Variants in SYNE1 observed in about 807,000 individuals in gnomAD.
SYNE1 encodes the protein spectrin repeat containing nuclear envelope protein 1, also known as nesprin-1.
A neutral mutation model predicts 1,111.0 loss-of-function variants in SYNE1; 616 were observed. The observed-to-expected ratio is 0.55, with a 90% CI of 0.52 to 0.59. The LOEUF is 0.59. SYNE1 is among the 20% of genes least tolerant of loss of function. SYNE1 has a pLI of 0.00. For missense variants in SYNE1, 10,006 were observed against 10,417.0 expected (o/e 0.96, Z 1.72); for synonymous variants, 3,855 against 3,825.8 (o/e 1.01, Z -0.28).
chr6:152,325,557 A>AT (rs765473288), intron 80 of SYNE1, among the ~76,000 whole-genome samples: 35 of 152,152 alleles, frequency 2.3e-4, no homozygotes, highest in Non-Finnish European at 3.7e-4. Flanking sequence ...TTGAGATGAC[A>AT]TTTTTTTCAT....
chr6:152,325,717 TTATTAAGTGCCACATCTTA>T (rs2096049372), intron 80 of SYNE1, among the ~76,000 whole-genome samples: 1 of 152,222 alleles, frequency 6.6e-6, no homozygotes. Flanking sequence ...TCACTGACAT[TTATTAAGTGCCACATCTTA>T]TCGGAAGCAA....
intron 4 of SYNE1, among the ~76,000 whole-genome samples, chr6:152,527,562 T>C (rs1199368077): frequency 6.6e-6 from 1 of 152,198 alleles, no homozygotes; most frequent in African/African-American, 2.4e-5. Context: ...TCAAAATTAT[T>C]GTTATTAGCC....
At chr6:152,276,715 G>T (rs747043415) in intron 98 of SYNE1, among the ~76,000 whole-genome samples, 3 of 152,052 alleles carry the variant, frequency 2.0e-5, no homozygotes, top group Non-Finnish European at 4.4e-5. Context: ...TATTGCAGGA[G>T]AAAGGTGTAA....
chr6:152,340,078 T>C (rs2096498075), intron 74 of SYNE1, among the ~76,000 whole-genome samples: 2 of 152,156 alleles, frequency 1.3e-5, no homozygotes, highest in African/African-American at 4.8e-5. Context: ...TAGTTTTAAA[T>C]ATCATGTGGG....
intron 89 of SYNE1, among the ~76,000 whole-genome samples, 162 bp from the exon 90 acceptor site, chr6:152,310,179 C>T (rs539341236): frequency 2.0e-5 from 3 of 152,064 alleles, no homozygotes; most frequent in Admixed American, 6.5e-5. Flanking sequence ...CAGTGGTTCA[C>T]GTCTGTAACC....
At chr6:152,124,138 C>G (rs2052484398) in intron 145 of SYNE1, among the ~76,000 whole-genome samples, 1 of 152,110 alleles carries the variant, frequency 6.6e-6, no homozygotes, top group Admixed American at 6.6e-5. Context: ...GCCTGGCCAA[C>G]ATGGTAAAAA....
intron 108 of SYNE1, among the ~76,000 whole-genome samples, chr6:152,237,526 C>G (rs549066381): frequency 6.6e-6 from 1 of 151,042 alleles, no homozygotes; most frequent in Non-Finnish European, 1.5e-5. Context: ...TGTTGTCCAG[C>G]CTGGTCTCAA....
intron 3 of SYNE1, among the ~76,000 whole-genome samples, chr6:152,606,854 C>T (rs750524684): frequency 6.6e-6 from 1 of 151,096 alleles, no homozygotes; most frequent in Non-Finnish European, 1.5e-5. Context: ...TGGGGTTTCA[C>T]CATGTTAGCC....
intron 16 of SYNE1, among the ~76,000 whole-genome samples, chr6:152,467,832 T>C (rs957012929): frequency 6.6e-6 from 1 of 152,154 alleles, no homozygotes; most frequent in Non-Finnish European, 1.5e-5. Flanking sequence ...GTCCATTTAA[T>C]TTGGTCCTTT....
intron 3 of SYNE1, among the ~76,000 whole-genome samples, chr6:152,584,188 A>T (rs915431748): frequency 6.6e-6 from 1 of 152,152 alleles, no homozygotes; most frequent in Non-Finnish European, 1.5e-5. Flanking sequence ...GTGAGATTTA[A>T]ATAAGATGAC....
At chr6:152,607,649 G>C (rs1303046829) in intron 3 of SYNE1, among the ~76,000 whole-genome samples, 2 of 152,142 alleles carry the variant, frequency 1.3e-5, no homozygotes, top group Non-Finnish European at 2.9e-5. Flanking sequence ...CAAGGAATCA[G>C]AAATACCATT....
At chr6:152,352,924 T>C (rs1242696421) in intron 69 of SYNE1, among the ~76,000 whole-genome samples, 2 of 152,132 alleles carry the variant, frequency 1.3e-5, no homozygotes, top group African/African-American at 4.8e-5. Flanking sequence ...TCCTTAGCAA[T>C]CTCCTTCTAA....
chr6:152,516,822 G>A (rs1423814052), intron 6 of SYNE1, among the ~76,000 whole-genome samples: 4 of 152,228 alleles, frequency 2.6e-5, no homozygotes, highest in African/African-American at 4.8e-5. Flanking sequence ...CAGGGCTCAA[G>A]CCATTCACCT....
rs1232676215 is a variant in SYNE1 at position 152,312,566 on chromosome 6, T to TAA, written c.16711-1695_16711-1694dup. Among the ~76,000 whole-genome samples the TAA allele has an allele frequency of 3.4e-5, 5 of 148,488 alleles. No individual in the cohort carries two copies. In the South Asian group the frequency reaches 8.4e-4, roughly 25 times the overall value. ...TATATATAGTAAGGATATATATATATAATCTGTTAAATATATATTTAATGT... is the reference window on the plus strand; with the variant it reads ...TATATATAGTAAGGATATATATATATAAAATCTGTTAAATATATATTTAATGT... On this transcript the variant is annotated intron_variant, in intron 87 of 145. Coordinates refer to ENST00000367255, the MANE Select transcript of SYNE1 (RefSeq NM_182961.4).
At chr6:152,373,342 C>G (rs552314831) in intron 58 of SYNE1, 123 bp from the exon 59 acceptor site, 1 of 875,052 alleles carries the variant, frequency 1.1e-6, no homozygotes. Context: ...TGCAGTAGTG[C>G]GATCTCGGCT....
chr6:152,515,602 G>A (rs975589596), intron 6 of SYNE1, among the ~76,000 whole-genome samples: 1 of 152,190 alleles, frequency 6.6e-6, no homozygotes, highest in Admixed American at 6.5e-5. Context: ...TTCCAGACAG[G>A]ACGCAGGACC....
Position 152,447,533 on chromosome 6 carries a change from A to T in SYNE1, c.3594T>A (p.Asn1198Lys). The T allele has an allele frequency of 6.2e-7, 1 of 1,614,228 alleles. No individual in the cohort carries two copies. The highest frequency in any genetic ancestry group is 1.3e-5 in the African/African-American group (1 of 75,066). The change falls in exon 29 of 146, where the codon AAT becomes AAA. Residue 1198 changes from asparagine to lysine, a missense_variant. Around this residue, in one of 7 missense-constraint regions of SYNE1, gnomAD observed 1,971 missense variants for 2,084.1 expected, o/e 0.95. Transcript: ENST00000367255. The part of the protein sequence containing the change: ...LKVLTEVSSE[N>K]EAQKQGDELA... ...GCTCATCTCCCTGCTTTTGGGCTTC[A>T]TTCTCAGAAGAAACTTCTGTCAAAA...
rs2060515853 is a variant in SYNE1, at chr6:152,152,047, G to A, written c.24224C>T (p.Ala8075Val). 2 of 1,614,088 alleles carry A rather than the reference G, an allele frequency of 1.2e-6. No homozygotes were observed. Among genetic ancestry groups the A allele is most frequent in the African/African-American group, 2.7e-5 (2 of 74,926 alleles). ...GTGAACCATCTGTTTGAGGCTACAT[G>A]CTGAATCAGTGCGGTTCTCCCTGGC... ...RLARENRTDS[A>V]CSLKQMVHEG... The change falls in exon 134 of 146, where the codon GCA becomes GTA. Residue 8075 changes from alanine (A) to valine (V), a missense_variant. Coordinates refer to ENST00000367255, the MANE Select transcript of SYNE1 (RefSeq NM_182961.4).
At chr6:152,208,292 C>T in intron 124 of SYNE1, 86 bp from the exon 125 acceptor site, 2 of 1,221,394 alleles carry the variant, frequency 1.6e-6, no homozygotes, top group South Asian at 1.2e-5. Context: ...CTGTCAACAA[C>T]CCTAAGCCCT....
Sources: gnomAD v4.1 joint callset for allele counts (sites outside exome capture counted in the v4.1 genomes callset) on GRCh38, gnomAD v4.1.1 for gene constraint, gnomAD v4.1.1 regional missense constraint, MANE v1.5 for transcripts, NCBI Gene and HGNC (gene_info 2026-07-23, HGNC 2026-07-21) for gene names.